Variants in NXPH2 observed in about 807,000 individuals in gnomAD.
The protein encoded by NXPH2 is neurexophilin-2.
A neutral mutation model predicts 19.8 loss-of-function variants in NXPH2; 5 were observed. The observed-to-expected ratio is 0.25, with a 90% confidence interval of 0.13 to 0.53. NXPH2 has a LOEUF of 0.53. NXPH2 is among the 20% of genes least tolerant of loss of function. The pLI is 0.96. For missense variants in NXPH2, 289 were observed against 322.8 expected, an observed-to-expected ratio of 0.90 and a Z score of 0.80; for synonymous variants, 154 against 127.4, an observed-to-expected ratio of 1.21 and a Z score of -1.41.
chr2:138,699,118 T>C (rs1053184537), intron 1 of NXPH2, among the ~76,000 whole-genome samples: 11 of 152,180 alleles, frequency 7.2e-5, no homozygotes, highest in Admixed American at 6.5e-4. Context: ...TATATACACA[T>C]ACACAACATA....
chr2:138,750,998 C>A (rs1346355251), intron 1 of NXPH2, among the ~76,000 whole-genome samples: 1 of 152,038 alleles, frequency 6.6e-6, no homozygotes, highest in African/African-American at 2.4e-5. Context: ...TAAAGCTGTG[C>A]TCTCCTGCTT....
intron 1 of NXPH2, among the ~76,000 whole-genome samples, chr2:138,732,601 T>C (rs1417429320): frequency 1.3e-5 from 2 of 152,180 alleles, no homozygotes; most frequent in Admixed American, 1.3e-4. Context: ...GTGCTGGACC[T>C]GCTCTTCTCC....
Position 138,745,944 on chromosome 2 carries a change from G to A in NXPH2, c.51+34247C>T, listed in dbSNP as rs79450270. ...TCATAACTCCATTGGGTGATAACAC[G>A]GCTGGTGGCCTAGTCCACCAAGAGA... On this transcript the variant is annotated intron_variant, in intron 1 of 1. Transcript: ENST00000272641. 6.0e-3 allele frequency among the ~76,000 whole-genome samples: 921 copies of A among 152,298 alleles called. 7 individuals carry two copies. Among genetic ancestry groups the A allele is most frequent in the Middle Eastern group, 0.014 (4 of 294 alleles).
intron 1 of NXPH2, among the ~76,000 whole-genome samples, chr2:138,766,610 T>C (rs1355591122): frequency 6.6e-6 from 1 of 152,178 alleles, no homozygotes; most frequent in Non-Finnish European, 1.5e-5. Context: ...ATCCAGCAGA[T>C]GGCCTCTGCT....
At chr2:138,757,861 C>CTA (rs1386862698) in intron 1 of NXPH2, among the ~76,000 whole-genome samples, 1 of 147,826 alleles carries the variant, frequency 6.8e-6, no homozygotes, top group Non-Finnish European at 1.5e-5. Context: ...ATCTATCTAT[C>CTA]TATCTCCCAC....
intron 1 of NXPH2, among the ~76,000 whole-genome samples, chr2:138,730,476 G>A (rs1181265350): frequency 2.6e-5 from 4 of 152,142 alleles, no homozygotes; most frequent in East Asian, 3.9e-4. Context: ...CACTTCTGAG[G>A]TGTGGTTATA....
At chr2:138,741,865 G>A (rs1681647688) in intron 1 of NXPH2, among the ~76,000 whole-genome samples, 2 of 152,176 alleles carry the variant, frequency 1.3e-5, no homozygotes, top group Admixed American at 6.5e-5. Context: ...AGCAGAGAAA[G>A]ACTTGTATTG....
intron 1 of NXPH2, among the ~76,000 whole-genome samples, chr2:138,688,505 T>A (rs942968163): frequency 2.0e-5 from 3 of 152,172 alleles, no homozygotes; most frequent in Non-Finnish European, 2.9e-5. Context: ...TTAAAGTCTT[T>A]ACCTAGCTCC....
chr2:138,682,184 C>T (rs1443001521), intron 1 of NXPH2, among the ~76,000 whole-genome samples: 1 of 152,182 alleles, frequency 6.6e-6, no homozygotes, highest in Non-Finnish European at 1.5e-5. Context: ...TTATCGGCAT[C>T]CCATTTGAAT....
chr2:138,674,157 TC>T lies in NXPH2; in HGVS notation c.52-2493del, dbSNP rs1680452616. The stretch of plus-strand genomic sequence containing the variant: ...CATGCCTGGCTAATTTTCTTTTTTT[TC>T]TTTTTCTTTTTTTTTAATACAGTCT... On this transcript the variant is annotated intron_variant, in intron 1 of 1. Transcript: ENST00000272641. Among the ~76,000 whole-genome samples, 13 of 152,016 alleles carry T rather than the reference TC, an allele frequency of 8.6e-5. No homozygotes were observed. In the South Asian group the frequency reaches 2.3e-3, roughly 27 times the overall value.
chr2:138,767,610 T>G (rs111885565), intron 1 of NXPH2, among the ~76,000 whole-genome samples: 15 of 152,342 alleles, frequency 9.8e-5, no homozygotes, highest in African/African-American at 3.6e-4. Context: ...ATTTGACTAT[T>G]GATTCAATAT....
intron 1 of NXPH2, among the ~76,000 whole-genome samples, chr2:138,767,708 A>T (rs1484788011): frequency 1.3e-5 from 2 of 152,122 alleles, no homozygotes; most frequent in African/African-American, 2.4e-5. Context: ...GTTTTTCTGA[A>T]AGCTTTTAGA....
intron 1 of NXPH2, among the ~76,000 whole-genome samples, chr2:138,693,156 A>T (rs888926315): frequency 1.3e-5 from 2 of 152,120 alleles, no homozygotes; most frequent in African/African-American, 4.8e-5. Context: ...TCTCAACATA[A>T]CTGAAACACT....
chr2:138,776,341 A>G (rs879386036), intron 1 of NXPH2, among the ~76,000 whole-genome samples: 2 of 152,076 alleles, frequency 1.3e-5, no homozygotes, highest in Admixed American at 1.3e-4. Context: ...AAAGATTAAG[A>G]AAGCTTTTCT....
chr2:138,754,988 T>A (rs1223851648), intron 1 of NXPH2, among the ~76,000 whole-genome samples: 1 of 152,170 alleles, frequency 6.6e-6, no homozygotes, highest in Non-Finnish European at 1.5e-5. Context: ...TCTTTACATA[T>A]GTTTATGTGT....
rs139274406 is a variant in NXPH2, at chr2:138,753,364, C to T, written c.51+26827G>A. Among the ~76,000 whole-genome samples, 270 of 152,184 alleles carry T rather than the reference C, an allele frequency of 1.8e-3. 2 individuals are homozygous for T. The highest frequency in any genetic ancestry group is 0.014 in the Middle Eastern group (4 of 294). ...TTGATAATTTTGTTTTTGAGCATCT[C>T]CTTACTTTCTGGCACTACAAGACAC... is the stretch of plus-strand genomic sequence containing the variant. On this transcript the variant is annotated intron_variant, in intron 1 of 1. Coordinates refer to ENST00000272641, the MANE Select transcript of NXPH2 (RefSeq NM_007226.3).
intron 1 of NXPH2, among the ~76,000 whole-genome samples, chr2:138,745,461 T>C (rs1273566455): frequency 7.4e-6 from 1 of 135,658 alleles, no homozygotes; most frequent in Non-Finnish European, 1.6e-5. Flanking sequence ...TTCGGTGCAA[T>C]GCCTATGCAC....
chr2:138,705,726 C>G (rs1680997894), intron 1 of NXPH2, among the ~76,000 whole-genome samples: 1 of 152,202 alleles, frequency 6.6e-6, no homozygotes, highest in South Asian at 2.1e-4. Context: ...TGAAATCTGT[C>G]TGCCTAGAAC....
At chr2:138,715,459 C>T (rs1050016232) in intron 1 of NXPH2, among the ~76,000 whole-genome samples, 5 of 152,296 alleles carry the variant, frequency 3.3e-5, no homozygotes, top group African/African-American at 1.2e-4. Flanking sequence ...ATATAACAAA[C>T]ATCACAATAG....
Sources: gnomAD v4.1 joint callset for allele counts (sites outside exome capture counted in the v4.1 genomes callset) on GRCh38, gnomAD v4.1.1 for gene constraint, MANE v1.5 for transcripts, NCBI Gene and HGNC (gene_info 2026-07-23, HGNC 2026-07-21) for gene names.